Variants in ELOVL2 observed in about 807,000 individuals in gnomAD.
The protein encoded by ELOVL2 is very long chain fatty acid elongase 2.
ELOVL2 carries 38 observed loss-of-function variants against 37.7 expected under a neutral mutation model. That is an observed-to-expected ratio of 1.01 (90% CI 0.78 to 1.32). The LOEUF is 1.32. Ranked by LOEUF, ELOVL2 falls within the 40% of genes most tolerant of loss-of-function variation. ELOVL2 has a pLI of 0.00. For missense variants in ELOVL2, 352 were observed against 363.6 expected (o/e 0.97, Z 0.26); for synonymous variants, 115 against 122.3 (o/e 0.94, Z 0.40).
intron 1 of ELOVL2, among the ~76,000 whole-genome samples, chr6:11,042,277 C>T (rs1231572808): frequency 1.3e-5 from 2 of 151,958 alleles, no homozygotes; most frequent in African/African-American, 4.8e-5. Context: ...TGCATCACTG[C>T]ATGCCAGCCT....
intron 3 of ELOVL2, among the ~76,000 whole-genome samples, chr6:11,003,173 C>G (rs1782420618): frequency 1.3e-5 from 2 of 152,200 alleles, no homozygotes; most frequent in Non-Finnish European, 2.9e-5. Context: ...TTCTGGGATA[C>G]ATGTGCAGAA....
intron 1 of ELOVL2, among the ~76,000 whole-genome samples, chr6:11,014,842 C>CT (rs1017206086): frequency 2.0e-5 from 3 of 152,084 alleles, no homozygotes; most frequent in South Asian, 2.1e-4. Flanking sequence ...TGAGGCTTTT[C>CT]TTTTTTTACC....
At chr6:11,037,306 G>A (rs58724692) in intron 1 of ELOVL2, among the ~76,000 whole-genome samples, 14,174 of 151,996 alleles carry the variant, frequency 0.093, 2,001 homozygotes, top group African/African-American at 0.3. Flanking sequence ...AATGGTCAAT[G>A]AGCTCTTTGA....
intron 1 of ELOVL2, among the ~76,000 whole-genome samples, chr6:11,032,606 G>A (rs959001913): frequency 6.6e-6 from 1 of 152,206 alleles, no homozygotes; most frequent in Non-Finnish European, 1.5e-5. Context: ...TTATGACTCT[G>A]AATGAAATAA....
intron 1 of ELOVL2, among the ~76,000 whole-genome samples, chr6:11,014,907 T>C (rs1202574004): frequency 6.6e-6 from 1 of 152,208 alleles, no homozygotes; most frequent in African/African-American, 2.4e-5. Context: ...TCCACCCCCA[T>C]GCAAAGACTT....
At chr6:11,023,501 G>A (rs974142760) in intron 1 of ELOVL2, among the ~76,000 whole-genome samples, 2 of 152,094 alleles carry the variant, frequency 1.3e-5, no homozygotes, top group Admixed American at 1.3e-4. Flanking sequence ...AATAGCTACA[G>A]TATTTTGATA....
chr6:11,007,112 A>T (rs1348163507), intron 2 of ELOVL2, among the ~76,000 whole-genome samples: 2 of 152,202 alleles, frequency 1.3e-5, no homozygotes, highest in African/African-American at 4.8e-5. Context: ...ATAGGTGATA[A>T]TATCATCCCA....
intron 1 of ELOVL2, among the ~76,000 whole-genome samples, chr6:11,036,732 T>C (rs967879691): frequency 6.6e-6 from 1 of 152,128 alleles, no homozygotes; most frequent in African/African-American, 2.4e-5. Context: ...GCAGAAAGGA[T>C]CAAGGTATTG....
At chr6:10,993,018 C>T (rs1782194085) in intron 5 of ELOVL2, among the ~76,000 whole-genome samples, 1 of 151,984 alleles carries the variant, frequency 6.6e-6, no homozygotes, top group South Asian at 2.1e-4. Context: ...CACAGAGAGA[C>T]CTTGTGTCTA....
chr6:10,998,415 G>A (rs903057441), intron 4 of ELOVL2, among the ~76,000 whole-genome samples: 2 of 152,158 alleles, frequency 1.3e-5, no homozygotes, highest in East Asian at 3.8e-4. Flanking sequence ...TGAAAGGCAA[G>A]ATAAATGTTT....
intron 1 of ELOVL2, among the ~76,000 whole-genome samples, chr6:11,025,494 T>G (rs746239744): frequency 1.8e-4 from 28 of 152,338 alleles, no homozygotes; most frequent in South Asian, 1.0e-3. Flanking sequence ...GGCATTTCAC[T>G]CATTCAACAA....
intron 1 of ELOVL2, among the ~76,000 whole-genome samples, chr6:11,041,598 A>G (rs955551518): frequency 6.6e-6 from 1 of 152,198 alleles, no homozygotes; most frequent in African/African-American, 2.4e-5. Flanking sequence ...TGGTTGGTTC[A>G]TTGGTTTTAA....
At chr6:11,001,508 G>GT (rs1489879346) in intron 3 of ELOVL2, among the ~76,000 whole-genome samples, 2 of 152,140 alleles carry the variant, frequency 1.3e-5, no homozygotes, top group African/African-American at 4.8e-5. Context: ...TAAGAAAGCT[G>GT]TTTAACTTTG....
At position 10,982,775 on chromosome 6, in the gene ELOVL2, AG is replaced by A. The variant is rs1353378738; in HGVS notation, c.*1005del. Reference sequence around the variant, plus strand: ...CTTCAAAAACTTAAATAACCTGTGAAGAGTGACAACAGGTATCTGAGGTAAT... The same window carrying A: ...CTTCAAAAACTTAAATAACCTGTGAAAGTGACAACAGGTATCTGAGGTAAT... On this transcript the variant is annotated 3_prime_UTR_variant, in exon 8 of 8. Coordinates refer to ENST00000354666, the MANE Select transcript of ELOVL2 (RefSeq NM_017770.4). 2.0e-5 allele frequency: 3 copies of A among 152,254 alleles called. No homozygotes were observed. The highest frequency in any genetic ancestry group is 2.4e-5 in the African/African-American group (1 of 41,470). 9.4% of individuals were successfully genotyped at this position (152,254 alleles called of 1,614,324 possible). A position where few individuals can be genotyped will look rare whatever the true frequency, so the allele number is the denominator to read the frequency against.
At chr6:11,008,700 A>T (rs139819229) in intron 2 of ELOVL2, among the ~76,000 whole-genome samples, 350 of 152,348 alleles carry the variant, frequency 2.3e-3, no homozygotes, top group African/African-American at 7.8e-3. Context: ...AGGTTAGAAG[A>T]TAAAGATATT....
intron 3 of ELOVL2, among the ~76,000 whole-genome samples, chr6:11,000,622 C>T (rs184123439): frequency 2.0e-5 from 3 of 152,134 alleles, no homozygotes; most frequent in Admixed American, 2.0e-4. Context: ...AAACAGGGTT[C>T]AGTAAGGTTC....
At chr6:11,033,035 A>G (rs1471105408) in intron 1 of ELOVL2, among the ~76,000 whole-genome samples, 1 of 151,956 alleles carries the variant, frequency 6.6e-6, no homozygotes, top group Non-Finnish European at 1.5e-5. Flanking sequence ...GGTTCCAAGT[A>G]CTCCTCTAGC....
intron 4 of ELOVL2, 102 bp downstream of exon 4, chr6:10,999,985 T>A: frequency 1.0e-6 from 1 of 998,238 alleles, no homozygotes; most frequent in Non-Finnish European, 1.6e-6. Context: ...AACCCCTTTC[T>A]TATCTAATTC....
chr6:11,011,112 C>T (rs1782570488), intron 1 of ELOVL2, among the ~76,000 whole-genome samples: 2 of 152,100 alleles, frequency 1.3e-5, no homozygotes. Context: ...CACCTGTAAT[C>T]GCAGCACTTT....
Sources: gnomAD v4.1 joint callset for allele counts (sites outside exome capture counted in the v4.1 genomes callset) on GRCh38, gnomAD v4.1.1 for gene constraint, MANE v1.5 for transcripts, NCBI Gene and HGNC (gene_info 2026-07-23, HGNC 2026-07-21) for gene names.